Variants in BLTP1 observed in about 807,000 individuals in gnomAD.
BLTP1 encodes fragile site-associated protein.
the BLTP1 span, chr4:122,251,614 TCTC>T: frequency 3.0e-6 from 3 of 984,792 alleles, no homozygotes; most frequent in African/African-American, 5.2e-5. Flanking sequence ...GTTCTTTCCT[TCTC>T]CTTCACCTAC....
the BLTP1 span, chr4:122,189,177 T>C: frequency 2.5e-6 from 2 of 794,236 alleles, no homozygotes; most frequent in Non-Finnish European, 3.0e-6. Context: ...TTCACTTAAG[T>C]GTGGAGATTA....
At chr4:122,271,158 G>A in the BLTP1 span, 1 of 1,613,910 alleles carries the variant, frequency 6.2e-7, no homozygotes, top group East Asian at 2.2e-5. Flanking sequence ...CATGATCTCA[G>A]CAAGCGGTAT....
the BLTP1 span, among the ~76,000 whole-genome samples, chr4:122,295,317 T>C: frequency 1.3e-5 from 2 of 152,068 alleles, no homozygotes; most frequent in Admixed American, 6.5e-5. Context: ...ATCATCAGAT[T>C]ATCCAAGGCT....
At chr4:122,203,488 T>G in the BLTP1 span, among the ~76,000 whole-genome samples, 350 of 151,964 alleles carry the variant, frequency 2.3e-3, 2 homozygotes, top group African/African-American at 8.1e-3. Context: ...AAGTGAGTTG[T>G]TGGTGGGTTT....
chr4:122,301,460 T>C, the BLTP1 span: 2 of 928,966 alleles, frequency 2.2e-6, no homozygotes, highest in Non-Finnish European at 3.1e-6. Flanking sequence ...ATGCTTGTTA[T>C]AGAAAATTTG....
chr4:122,333,648 A>G, the BLTP1 span: 10 of 1,602,940 alleles, frequency 6.2e-6, 1 homozygote, highest in African/African-American at 1.1e-4. Flanking sequence ...TCGAAGTTCC[A>G]GGAGCTTAGA....
chr4:122,185,642 AAT>A, the BLTP1 span, among the ~76,000 whole-genome samples: 1 of 152,142 alleles, frequency 6.6e-6, no homozygotes, highest in South Asian at 2.1e-4. Flanking sequence ...TTCAAATACC[AAT>A]ATGATAGTTA....
At chr4:122,224,618 T>TTC in the BLTP1 span, 1 of 1,614,096 alleles carries the variant, frequency 6.2e-7, no homozygotes, top group Non-Finnish European at 8.5e-7. Context: ...TTCCTTAGAA[T>TTC]ACGCATGGTT....
At chr4:122,315,958 G>C in the BLTP1 span, among the ~76,000 whole-genome samples, 1 of 152,052 alleles carries the variant, frequency 6.6e-6, no homozygotes, top group Non-Finnish European at 1.5e-5. Flanking sequence ...GTGGGGAATG[G>C]GAAGAAATTG....
At chr4:122,172,936 ATC>A in the BLTP1 span, 2 of 1,579,120 alleles carry the variant, frequency 1.3e-6, no homozygotes, top group Non-Finnish European at 1.7e-6. Flanking sequence ...ATAAAGTATA[ATC>A]AACCTCTGGT....
chr4:122,192,299 C>T, the BLTP1 span: 1 of 1,613,710 alleles, frequency 6.2e-7, no homozygotes, highest in South Asian at 1.1e-5. Context: ...AATTACAAGA[C>T]TTGCCTCCAT....
At chr4:122,312,797 A>G in the BLTP1 span, 1 of 790,712 alleles carries the variant, frequency 1.3e-6, no homozygotes, top group Non-Finnish European at 1.5e-6. Flanking sequence ...AAATATGAAT[A>G]GTAAGCTCAA....
chr4:122,329,907 A>G, the BLTP1 span, among the ~76,000 whole-genome samples: 2 of 151,700 alleles, frequency 1.3e-5, no homozygotes, highest in African/African-American at 4.8e-5. Context: ...ACCCCTGACA[A>G]CCACCATTCT....
At chr4:122,154,683 C>T in the BLTP1 span, among the ~76,000 whole-genome samples, 1 of 152,086 alleles carries the variant, frequency 6.6e-6, no homozygotes, top group East Asian at 1.9e-4. Context: ...ACCATCCTGG[C>T]TAACATGGTG....
the BLTP1 span, chr4:122,336,581 G>A: frequency 1.3e-6 from 1 of 794,690 alleles, no homozygotes; most frequent in Non-Finnish European, 1.4e-6. Flanking sequence ...CCTAGTTAAT[G>A]ACAAAATTAA....
At chr4:122,286,433 G>A in the BLTP1 span, 5 of 1,528,128 alleles carry the variant, frequency 3.3e-6, no homozygotes, top group Non-Finnish European at 4.4e-6. Context: ...TTCAAGATAG[G>A]TTTGGGAATA....
the BLTP1 span, chr4:122,211,170 C>A: frequency 1.6e-6 from 2 of 1,280,298 alleles, no homozygotes; most frequent in East Asian, 2.5e-5. Flanking sequence ...AAATTGAGAC[C>A]GTTTGAAATA....
At chr4:122,163,698 C>A in the BLTP1 span, among the ~76,000 whole-genome samples, 2 of 152,202 alleles carry the variant, frequency 1.3e-5, no homozygotes. Flanking sequence ...TCACTTTACA[C>A]ATGAGGAAAC....
At chr4:122,315,670 G>A in the BLTP1 span, 6 of 1,614,006 alleles carry the variant, frequency 3.7e-6, no homozygotes, top group East Asian at 1.3e-4. Flanking sequence ...TTGATACTAT[G>A]TCTCCCACTA....
Sources: allele counts gnomAD v4.1 joint callset (sites outside exome capture counted in the v4.1 genomes callset), GRCh38; gene constraint gnomAD v4.1.1; transcripts MANE v1.5; gene names NCBI Gene and HGNC (gene_info 2026-07-23, HGNC 2026-07-21).